Variants in ZMAT4 observed in about 807,000 individuals in gnomAD.
ZMAT4 encodes zinc finger matrin-type protein 4.
Under a neutral mutation model 28.7 loss-of-function variants are expected in ZMAT4, and 17 were observed. The ratio of observed to expected loss-of-function variants is 0.59; its 90% CI spans 0.41 to 0.89. The LOEUF (loss-of-function observed/expected upper bound fraction) is 0.89. Among genes scored for constraint, ZMAT4 ranks in the 40% least tolerant of loss-of-function variants. ZMAT4 has a pLI of 0.00. For synonymous variants in ZMAT4, 117 were observed against 109.2 expected (o/e 1.07, Z -0.44); for missense variants, 240 against 283.8 (o/e 0.85, Z 1.11).
intron 1 of ZMAT4, among the ~76,000 whole-genome samples, chr8:40,875,609 T>A (rs1375717442): frequency 6.6e-6 from 1 of 152,094 alleles, no homozygotes. Flanking sequence ...GGTATCTTCA[T>A]GGGCCATGGG....
At chr8:40,714,912 G>A (rs1810778942) in intron 3 of ZMAT4, among the ~76,000 whole-genome samples, 1 of 151,906 alleles carries the variant, frequency 6.6e-6, no homozygotes, top group African/African-American at 2.4e-5. Context: ...AGCCAGGCGT[G>A]GTGGCACGCA....
intron 6 of ZMAT4, among the ~76,000 whole-genome samples, chr8:40,556,004 A>G (rs1407168509): frequency 6.6e-6 from 1 of 152,116 alleles, no homozygotes; most frequent in Non-Finnish European, 1.5e-5. Flanking sequence ...TTGACTGCCA[A>G]TGGTCCCCCA....
chr8:40,844,239 G>T (rs1412282955), intron 1 of ZMAT4, among the ~76,000 whole-genome samples: 1 of 152,204 alleles, frequency 6.6e-6, no homozygotes, highest in Non-Finnish European at 1.5e-5. Flanking sequence ...CCAGAGAGCT[G>T]GTAAAACAGT....
At chr8:40,737,322 A>G (rs1811809819) in intron 3 of ZMAT4, among the ~76,000 whole-genome samples, 1 of 152,020 alleles carries the variant, frequency 6.6e-6, no homozygotes, top group Non-Finnish European at 1.5e-5. Flanking sequence ...AAAAGATTGG[A>G]CACCCCCGAT....
chr8:40,823,146 G>A (rs540840890), intron 2 of ZMAT4, among the ~76,000 whole-genome samples: 12 of 151,828 alleles, frequency 7.9e-5, no homozygotes, highest in African/African-American at 1.2e-4. Flanking sequence ...CCCCCTCCAC[G>A]AACCCTCACT....
At chr8:40,556,034 A>T (rs1803524023) in intron 6 of ZMAT4, among the ~76,000 whole-genome samples, 1 of 152,132 alleles carries the variant, frequency 6.6e-6, no homozygotes, top group Non-Finnish European at 1.5e-5. Flanking sequence ...TCTGCCCTCT[A>T]TTCTGAGATA....
intron 5 of ZMAT4, among the ~76,000 whole-genome samples, chr8:40,602,175 T>C (rs1430290954): frequency 2.0e-5 from 3 of 152,216 alleles, no homozygotes; most frequent in Non-Finnish European, 4.4e-5. Flanking sequence ...CCATCCAGGT[T>C]GCGCGAATGC....
chr8:40,579,795 A>G (rs28445357), intron 6 of ZMAT4, among the ~76,000 whole-genome samples: 1,924 of 152,232 alleles, frequency 0.013, 34 homozygotes, highest in African/African-American at 0.044. Flanking sequence ...ATGCTGTGCT[A>G]GGAAACAAGG....
chr8:40,794,701 C>A (rs987548241), intron 2 of ZMAT4, among the ~76,000 whole-genome samples: 2 of 152,146 alleles, frequency 1.3e-5, no homozygotes, highest in Non-Finnish European at 2.9e-5. Context: ...TTCTAACTCT[C>A]CTTTCCCCAG....
chr8:40,544,532 C>A (rs1468875843), intron 6 of ZMAT4, among the ~76,000 whole-genome samples: 1 of 152,190 alleles, frequency 6.6e-6, no homozygotes, highest in Non-Finnish European at 1.5e-5. Context: ...CATGATCTCT[C>A]AGGCTTCTGA....
intron 3 of ZMAT4, among the ~76,000 whole-genome samples, chr8:40,698,207 G>C (rs897982152): frequency 6.6e-6 from 1 of 152,060 alleles, no homozygotes; most frequent in Non-Finnish European, 1.5e-5. Flanking sequence ...TTTCAGGAAA[G>C]GTGATTCATT....
intron 5 of ZMAT4, among the ~76,000 whole-genome samples, chr8:40,656,912 C>A (rs1363827083): frequency 1.3e-5 from 2 of 151,798 alleles, no homozygotes; most frequent in Admixed American, 1.3e-4. Context: ...GGTGAAATAC[C>A]CTAAAATTAA....
At chr8:40,571,768 G>T (rs1804106164) in intron 6 of ZMAT4, among the ~76,000 whole-genome samples, 1 of 152,120 alleles carries the variant, frequency 6.6e-6, no homozygotes, top group African/African-American at 2.4e-5. Flanking sequence ...ATGATTATCA[G>T]CTGAAGAGAA....
At chr8:40,543,123 T>G (rs1295862459) in intron 6 of ZMAT4, among the ~76,000 whole-genome samples, 1 of 152,172 alleles carries the variant, frequency 6.6e-6, no homozygotes, top group African/African-American at 2.4e-5. Flanking sequence ...GCTCAGAGTT[T>G]ACGTGCCATC....
intron 1 of ZMAT4, among the ~76,000 whole-genome samples, chr8:40,896,995 A>C (rs1818901250): frequency 7.0e-6 from 1 of 143,112 alleles, no homozygotes. Context: ...TTTTCAGGAT[A>C]CCCCAAGCCT....
At chr8:40,771,177 CATATAT>C (rs2150564458) in intron 2 of ZMAT4, among the ~76,000 whole-genome samples, 1 of 151,302 alleles carries the variant, frequency 6.6e-6, no homozygotes, top group South Asian at 2.1e-4. Flanking sequence ...CACACACTCA[CATATAT>C]ATAAAGGTTT....
intron 5 of ZMAT4, among the ~76,000 whole-genome samples, chr8:40,651,675 C>G (rs1390978500): frequency 6.6e-6 from 1 of 151,744 alleles, no homozygotes; most frequent in Admixed American, 6.6e-5. Context: ...TGACTTCAAA[C>G]TATACTACAA....
chr8:40,685,444 C>A (rs569989513), intron 4 of ZMAT4, among the ~76,000 whole-genome samples: 188 of 152,204 alleles, frequency 1.2e-3, no homozygotes, highest in African/African-American at 4.3e-3. Context: ...AATTCAGTCC[C>A]TAGGGGAGCA....
chr8:40,609,171 A>C (rs1805705949), intron 5 of ZMAT4, among the ~76,000 whole-genome samples: 1 of 152,258 alleles, frequency 6.6e-6, no homozygotes, highest in Non-Finnish European at 1.5e-5. Flanking sequence ...AAAGTAAATT[A>C]GTAGGAAAAT....
Sources: allele counts gnomAD v4.1 joint callset (sites outside exome capture counted in the v4.1 genomes callset), GRCh38; gene constraint gnomAD v4.1.1; transcripts MANE v1.5; gene names NCBI Gene and HGNC (gene_info 2026-07-23, HGNC 2026-07-21).